The following GALNT13 variants were observed in gnomAD, a reference collection of about 807,000 sequenced individuals.
The protein encoded by GALNT13 is UDP-GalNAc:polypeptide N-acetylgalactosaminyltransferase 13.
GALNT13 carries 28 observed loss-of-function variants against 64.2 expected under a neutral mutation model. The observed-to-expected ratio is 0.44, with a 90% CI of 0.32 to 0.60. The LOEUF is 0.60. Among genes scored for constraint, GALNT13 ranks in the 20% least tolerant of loss-of-function variants. GALNT13 has a pLI of 0.05. For missense variants in GALNT13, 577 were observed against 669.8 expected (o/e 0.86, Z 1.53); for synonymous variants, 214 against 224.6 (o/e 0.95, Z 0.42).
At chr2:153,255,654 C>T in the GALNT13 span, among the ~76,000 whole-genome samples, 1 of 152,074 alleles carries the variant, frequency 6.6e-6, no homozygotes, top group Admixed American at 6.6e-5. Flanking sequence ...TCTTTTAGGG[C>T]AGGCCTGGTG....
chr2:153,704,002 T>G, the GALNT13 span, among the ~76,000 whole-genome samples: 2 of 152,154 alleles, frequency 1.3e-5, no homozygotes, highest in African/African-American at 4.8e-5. Flanking sequence ...TATAGAATAC[T>G]CTATATTTCC....
chr2:153,620,033 C>G, the GALNT13 span, among the ~76,000 whole-genome samples: 4 of 152,022 alleles, frequency 2.6e-5, no homozygotes, highest in African/African-American at 7.2e-5. Flanking sequence ...TTAGAATAAA[C>G]CTCCTAGTCC....
chr2:153,832,444 G>A, the GALNT13 span, among the ~76,000 whole-genome samples: 1 of 152,070 alleles, frequency 6.6e-6, no homozygotes, highest in Non-Finnish European at 1.5e-5. Context: ...AAGTTGTTCA[G>A]GGAATTAGGT....
At chr2:153,827,280 G>C in the GALNT13 span, among the ~76,000 whole-genome samples, 1 of 152,046 alleles carries the variant, frequency 6.6e-6, no homozygotes, top group Non-Finnish European at 1.5e-5. Flanking sequence ...ACACCCCACT[G>C]GGTTCCTCCC....
chr2:153,670,562 A>C, the GALNT13 span, among the ~76,000 whole-genome samples: 1 of 152,200 alleles, frequency 6.6e-6, no homozygotes, highest in Non-Finnish European at 1.5e-5. Flanking sequence ...AACATCAAAG[A>C]CCAAAGGTAG....
intron 4 of GALNT13, among the ~76,000 whole-genome samples, chr2:154,162,304 C>T (rs1684778421): frequency 6.6e-6 from 1 of 152,158 alleles, no homozygotes; most frequent in African/African-American, 2.4e-5. Context: ...TCTTAAATAA[C>T]ATAATAATTT....
chr2:153,708,186 A>C, the GALNT13 span, among the ~76,000 whole-genome samples: 4 of 152,142 alleles, frequency 2.6e-5, no homozygotes, highest in Non-Finnish European at 5.9e-5. Flanking sequence ...ATTTTACATC[A>C]TAAGAGAGAT....
chr2:153,924,276 C>T (rs933544811), intron 2 of GALNT13, among the ~76,000 whole-genome samples: 1 of 143,136 alleles, frequency 7.0e-6, no homozygotes, highest in Non-Finnish European at 1.5e-5. Flanking sequence ...GTGTTCTCAT[C>T]CTTCAGCTTC....
the GALNT13 span, among the ~76,000 whole-genome samples, chr2:153,583,851 C>T: frequency 6.6e-6 from 1 of 152,172 alleles, no homozygotes; most frequent in Non-Finnish European, 1.5e-5. Context: ...ACACCCAGCT[C>T]TGAGAAACAA....
At chr2:154,067,487 A>C (rs1031332152) in intron 3 of GALNT13, among the ~76,000 whole-genome samples, 2 of 152,022 alleles carry the variant, frequency 1.3e-5, no homozygotes, top group Non-Finnish European at 2.9e-5. Context: ...AGGAGTAGCT[A>C]TACTTACATC....
chr2:153,965,243 T>C (rs1483817024), intron 3 of GALNT13, among the ~76,000 whole-genome samples: 1 of 152,168 alleles, frequency 6.6e-6, no homozygotes, highest in Non-Finnish European at 1.5e-5. Context: ...AAATATACAA[T>C]AAATTATTGC....
chr2:153,395,449 CT>C, the GALNT13 span, among the ~76,000 whole-genome samples: 1 of 152,248 alleles, frequency 6.6e-6, no homozygotes, highest in African/African-American at 2.4e-5. Context: ...ATACCTGGAC[CT>C]CCAGGGATAT....
Position 154,246,768 on chromosome 2 carries a change from T to C in GALNT13, c.857+786T>C, listed in dbSNP as rs567414990. Among the ~76,000 whole-genome samples, 204 of 152,158 alleles carry C rather than the reference T, an allele frequency of 1.3e-3. 1 individual carries two copies. The highest frequency in any genetic ancestry group is 4.4e-3 in the African/African-American group (183 of 41,566). ...GAAATACCCTAACATTCTAGAAACA[T>C]ACACTTTAAGTCCTCACTTAGCATT... On this transcript the variant is annotated intron_variant, in intron 7 of 12. Coordinates refer to ENST00000392825, the MANE Select transcript of GALNT13 (RefSeq NM_052917.4).
At chr2:154,429,041 C>G (rs1053354930) in intron 11 of GALNT13, among the ~76,000 whole-genome samples, 1 of 151,996 alleles carries the variant, frequency 6.6e-6, no homozygotes, top group Non-Finnish European at 1.5e-5. Context: ...TTCCCTATCT[C>G]TCGCTCCACA....
At chr2:153,412,299 C>T in the GALNT13 span, among the ~76,000 whole-genome samples, 140 of 152,276 alleles carry the variant, frequency 9.2e-4, no homozygotes, top group African/African-American at 3.2e-3. Context: ...ATCTCACCTC[C>T]GTCACTTACT....
chr2:154,381,002 A>C (rs547792885), intron 9 of GALNT13, among the ~76,000 whole-genome samples: 1 of 152,214 alleles, frequency 6.6e-6, no homozygotes, highest in Non-Finnish European at 1.5e-5. Flanking sequence ...GCAGAGAGTA[A>C]ATAGAGTTCC....
the GALNT13 span, among the ~76,000 whole-genome samples, chr2:153,430,097 C>T: frequency 2.5e-4 from 38 of 152,092 alleles, no homozygotes; most frequent in East Asian, 5.2e-3. Flanking sequence ...TTGCCTCAAC[C>T]GTTAAGTGAT....
chr2:153,235,192 A>G, the GALNT13 span, among the ~76,000 whole-genome samples: 1 of 152,154 alleles, frequency 6.6e-6, no homozygotes. Context: ...AGACATAACA[A>G]TATTGAAATG....
At chr2:153,317,135 G>A in the GALNT13 span, among the ~76,000 whole-genome samples, 1 of 152,168 alleles carries the variant, frequency 6.6e-6, no homozygotes, top group African/African-American at 2.4e-5. Context: ...AGGGAAAATA[G>A]TAATATTAAG....
Sources: gnomAD v4.1 joint callset for allele counts (sites outside exome capture counted in the v4.1 genomes callset) on GRCh38, gnomAD v4.1.1 for gene constraint, MANE v1.5 for transcripts, NCBI Gene and HGNC (gene_info 2026-07-23, HGNC 2026-07-21) for gene names.